Variants in DYNC1I1 observed in about 807,000 individuals in gnomAD.
The protein encoded by DYNC1I1 is cytoplasmic dynein 1 intermediate chain 1.
A neutral mutation model predicts 86.6 loss-of-function variants in DYNC1I1; 43 were observed. The observed-to-expected ratio is 0.50, with a 90% CI of 0.39 to 0.64. The LOEUF is 0.64. Ranked by LOEUF, DYNC1I1 falls within the 30% of genes least tolerant of loss-of-function variation. The pLI is 0.00. For missense variants in DYNC1I1, 604 were observed against 788.8 expected (o/e 0.77, Z 2.81); for synonymous variants, 262 against 283.7 (o/e 0.92, Z 0.77).
At chr7:96,039,804 A>G (rs1181009272) in intron 14 of DYNC1I1, among the ~76,000 whole-genome samples, 1 of 151,336 alleles carries the variant, frequency 6.6e-6, no homozygotes, top group Non-Finnish European at 1.5e-5. Flanking sequence ...GTATCTACTT[A>G]CTTACATATG....
intron 14 of DYNC1I1, among the ~76,000 whole-genome samples, chr7:96,048,584 A>G (rs1391804966): frequency 6.6e-6 from 1 of 152,176 alleles, no homozygotes; most frequent in Non-Finnish European, 1.5e-5. Context: ...GCTAAAATAT[A>G]AAGAGCCATG....
At chr7:96,048,526 G>A (rs932311029) in intron 14 of DYNC1I1, among the ~76,000 whole-genome samples, 5 of 152,186 alleles carry the variant, frequency 3.3e-5, no homozygotes, top group African/African-American at 7.2e-5. Context: ...TCTGGGGATG[G>A]GAGCCAACAA....
chr7:95,943,450 A>G (rs1429737672), intron 6 of DYNC1I1, among the ~76,000 whole-genome samples: 2 of 150,262 alleles, frequency 1.3e-5, no homozygotes, highest in Non-Finnish European at 3.0e-5. Context: ...CATACTGCCC[A>G]AGGTAATTTA....
intron 4 of DYNC1I1, among the ~76,000 whole-genome samples, chr7:95,824,497 G>A (rs959166973): frequency 2.6e-5 from 4 of 152,112 alleles, no homozygotes; most frequent in African/African-American, 9.7e-5. Context: ...AATTATTATA[G>A]TAAACAGGGT....
At position 95,898,111 on chromosome 7, in the gene DYNC1I1, C is replaced by T. The variant is rs530854913; in HGVS notation, c.490+28113C>T. ...CAGGTGGAGATTGCTGGGAATTATT[C>T]TCTCCACACAGGTTAGATGGCCACG... On this transcript the variant is annotated intron_variant, in intron 6 of 16. Transcript: ENST00000447467. Among the ~76,000 whole-genome samples the T allele has an allele frequency of 5.3e-5, 8 of 152,300 alleles. No homozygotes were observed. In the East Asian group the frequency reaches 1.3e-3, roughly 26 times the overall value.
intron 6 of DYNC1I1, among the ~76,000 whole-genome samples, chr7:95,950,116 A>G (rs1340182120): frequency 6.6e-6 from 1 of 152,260 alleles, no homozygotes; most frequent in South Asian, 2.1e-4. Flanking sequence ...AGGCAACTCA[A>G]CATTTCTCTT....
chr7:95,800,817 G>A (rs569225688), intron 1 of DYNC1I1, among the ~76,000 whole-genome samples: 473 of 152,336 alleles, frequency 3.1e-3, no homozygotes, highest in Middle Eastern at 0.014. Context: ...TAGACTGAGA[G>A]CATCAGAATT....
intron 6 of DYNC1I1, among the ~76,000 whole-genome samples, chr7:95,919,395 A>G (rs1405251089): frequency 6.6e-6 from 1 of 152,210 alleles, no homozygotes; most frequent in Non-Finnish European, 1.5e-5. Flanking sequence ...CTATTTTCAT[A>G]AATATAGATT....
intron 14 of DYNC1I1, among the ~76,000 whole-genome samples, chr7:96,064,238 CTCTCTCTCT>C (rs1312923877): frequency 5.9e-5 from 9 of 151,744 alleles, no homozygotes; most frequent in Non-Finnish European, 1.0e-4. Context: ...CTCTCTCTCT[CTCTCTCTCT>C]CCCTCTCTCA....
intron 12 of DYNC1I1, among the ~76,000 whole-genome samples, chr7:96,034,021 AATT>A (rs201081768): frequency 4.0e-5 from 6 of 148,806 alleles, no homozygotes; most frequent in Non-Finnish European, 7.6e-5. Flanking sequence ...TGAAAAAAAT[AATT>A]ATTATTATTA....
rs1041417124 is a variant in DYNC1I1, at chr7:96,022,439, A to C, written c.970-5736A>C. Among the ~76,000 whole-genome samples, 8 of 150,082 alleles carry C rather than the reference A, an allele frequency of 5.3e-5. No homozygotes were observed. The South Asian group carries it at 1.7e-3, about 32-fold the overall frequency. On this transcript the variant is annotated intron_variant, in intron 10 of 16. Transcript: ENST00000447467. ...CAAGAAGGAGCAGGTAACTAACTCA[A>C]ACTTTGCTCCAGGGCACCCCCACAT...
intron 5 of DYNC1I1, among the ~76,000 whole-genome samples, chr7:95,837,893 G>T (rs541959410): frequency 1.3e-5 from 2 of 152,308 alleles, no homozygotes; most frequent in Non-Finnish European, 2.9e-5. Flanking sequence ...AGATGAACCC[G>T]GTACCTCAGA....
intron 10 of DYNC1I1, among the ~76,000 whole-genome samples, chr7:96,001,261 C>T (rs1025439826): frequency 3.3e-5 from 5 of 152,098 alleles, no homozygotes; most frequent in African/African-American, 7.2e-5. Flanking sequence ...AATATGAGCA[C>T]GTTTGCTGTC....
chr7:95,803,617 A>G (rs1356149507), intron 1 of DYNC1I1, among the ~76,000 whole-genome samples: 2 of 152,170 alleles, frequency 1.3e-5, no homozygotes, highest in East Asian at 1.9e-4. Flanking sequence ...AGAATTTTTC[A>G]TTGTTCTGTA....
At chr7:95,918,711 C>T (rs1286735589) in intron 6 of DYNC1I1, among the ~76,000 whole-genome samples, 1 of 152,116 alleles carries the variant, frequency 6.6e-6, no homozygotes, top group Non-Finnish European at 1.5e-5. Flanking sequence ...GTTGCTGAGG[C>T]CTTAAGGCGA....
At chr7:95,988,142 C>T (rs1349781314) in intron 9 of DYNC1I1, among the ~76,000 whole-genome samples, 1 of 152,102 alleles carries the variant, frequency 6.6e-6, no homozygotes, top group Non-Finnish European at 1.5e-5. Flanking sequence ...TTTGGGAGGC[C>T]AAGGCGGGTG....
Position 96,106,979 on chromosome 7 carries a change from A to G in DYNC1I1, c.1543-3000A>G, listed in dbSNP as rs190658653. On this transcript the variant is annotated intron_variant, in intron 16 of 16. Transcript: ENST00000537881. ...AGAAGGTGATGTTAAAATACAAACT[A>G]CAGTTGTGAATTTGTCTATTTGATC... Among the ~76,000 whole-genome samples, 281 of 151,932 alleles carry G rather than the reference A, an allele frequency of 1.8e-3. 3 individuals carry two copies. The highest frequency in any genetic ancestry group is 6.6e-3 in the African/African-American group (272 of 41,450).
chr7:95,799,277 G>A (rs979415458), intron 1 of DYNC1I1, among the ~76,000 whole-genome samples: 2 of 152,174 alleles, frequency 1.3e-5, no homozygotes, highest in African/African-American at 4.8e-5. Context: ...TACTCGAGAG[G>A]CTGAGGCAGG....
At position 96,080,415 on chromosome 7, in the gene DYNC1I1, G is replaced by T; in HGVS notation, c.1703G>T (p.Arg568Leu). ...GGGGCATCCGCCCTAAACCGTGTTC[G>T]TTGGGCCCAAGCTGGCAAAGAAGTT... Reference protein sequence around the residue: ...IEGASALNRVRWAQAGKEVAV... With the variant: ...IEGASALNRVLWAQAGKEVAV... The change falls in exon 16 of 17, where the codon CGT (arginine) becomes CTT (leucine). Residue 568 changes from arginine (R) to leucine (L), a missense_variant. Arg to Leu is a moderately radical substitution (Grantham distance 102). Transcript: ENST00000447467. 1.2e-6 allele frequency: 2 copies of T among 1,614,114 alleles called. No individual in the cohort carries two copies. The highest frequency in any genetic ancestry group is 1.7e-4 in the Middle Eastern group (1 of 6,058).
Sources: gnomAD v4.1 joint callset for allele counts (sites outside exome capture counted in the v4.1 genomes callset) on GRCh38, gnomAD v4.1.1 for gene constraint, MANE v1.5 for transcripts, NCBI Gene and HGNC (gene_info 2026-07-23, HGNC 2026-07-21) for gene names.